The following NEDD9 variants were observed in gnomAD, a reference collection of about 807,000 sequenced individuals.
The protein encoded by NEDD9 is neural precursor cell expressed, developmentally down-regulated 9, also known as enhancer of filamentation 1.
NEDD9 carries 26 observed loss-of-function variants against 76.6 expected under a neutral mutation model. The observed-to-expected ratio is 0.34, with a 90% CI of 0.25 to 0.47. The LOEUF is 0.47. Among genes scored for constraint, NEDD9 ranks in the 20% least tolerant of loss-of-function variants. NEDD9 has a pLI of 1.00. For missense variants in NEDD9, 937 were observed against 1,058.5 expected, an observed-to-expected ratio of 0.89 and a Z score of 1.59; for synonymous variants, 392 against 414.2, an observed-to-expected ratio of 0.95 and a Z score of 0.65.
chr6:11,365,836 C>T (rs779054398), intron 1 of NEDD9, among the ~76,000 whole-genome samples: 36 of 151,504 alleles, frequency 2.4e-4, no homozygotes, highest in Middle Eastern at 3.4e-3. Context: ...ACTAAAAATA[C>T]AAAAATTAGG....
At chr6:11,373,006 A>G (rs1298986853) in intron 1 of NEDD9, among the ~76,000 whole-genome samples, 1 of 152,198 alleles carries the variant, frequency 6.6e-6, no homozygotes, top group East Asian at 1.9e-4. Flanking sequence ...CCAAAACACA[A>G]TGAAGGAAGA....
chr6:11,276,789 A>G (rs1170716958), intron 3 of NEDD9, among the ~76,000 whole-genome samples: 1 of 152,160 alleles, frequency 6.6e-6, no homozygotes, highest in Non-Finnish European at 1.5e-5. Context: ...TCCAAGGGAA[A>G]ACAGAGCCAA....
chr6:11,213,427 T>C lies in NEDD9; in HGVS notation c.313A>G (p.Ile105Val). 6.2e-7 allele frequency: 1 copy of C among 1,614,052 alleles called. No homozygotes were observed. Among genetic ancestry groups the C allele is most frequent in the African/African-American group, 1.3e-5 (1 of 75,016 alleles). ...PNPQAAPRDT[I>V]YQVPPSYQNQ... ...TGGTAGGAAGGTGGCACTTGGTAGA[T>C]GGTGTCTCGGGGAGCAGCCTGTGGG... Residue 105 changes from isoleucine (I) to valine (V), a missense_variant, in exon 2 of 7, where the codon ATC becomes GTC. Ile to Val is a conservative substitution (Grantham distance 29). Coordinates refer to ENST00000379446, the MANE Select transcript of NEDD9 (RefSeq NM_006403.4). This position sits in a 1 kb window ranked among gnomAD's most constrained non-coding sequence, Gnocchi z 5.4.
intron 1 of NEDD9, among the ~76,000 whole-genome samples, chr6:11,218,797 C>T (rs4713266): frequency 0.44 from 66,161 of 151,966 alleles, 16,273 homozygotes; most frequent in East Asian, 0.8. Context: ...TCAAGCCTCA[C>T]AGCCAGAGAC....
At chr6:11,201,094 T>C (rs751565477) in intron 2 of NEDD9, 1 of 1,611,174 alleles carries the variant, frequency 6.2e-7, no homozygotes, top group Admixed American at 1.7e-5. Context: ...TCACATTGTG[T>C]CACTTGTTCA....
In NEDD9 at chr6:11,185,612, C is replaced by A. The variant is rs376701334; in HGVS notation, c.2055G>T (p.Ser685=). 1 of 1,614,206 alleles carries A rather than the reference C, an allele frequency of 6.2e-7. No individual in the cohort carries two copies. Among genetic ancestry groups the A allele is most frequent in the Non-Finnish European group, 8.5e-7 (1 of 1,180,042 alleles). Residue 685 remains serine (S), a synonymous_variant, in exon 7 of 7, where the codon TCG becomes TCT. Transcript: ENST00000379446. ...EITKPVENDI[S]KWKPSQSLPT... is the part of the protein sequence containing the mutation. Reference sequence around the variant, plus strand: ...GTAGGCTCTGAGAGGGCTTCCACTTCGAGATGTCATTCTCCACGGGCTTTG... The same window carrying A: ...GTAGGCTCTGAGAGGGCTTCCACTTAGAGATGTCATTCTCCACGGGCTTTG...
chr6:11,345,251 A>G (rs2113527072), intron 1 of NEDD9, among the ~76,000 whole-genome samples: 1 of 152,314 alleles, frequency 6.6e-6, no homozygotes, highest in East Asian at 1.9e-4. Flanking sequence ...AGGGAATGAG[A>G]GATGAAGATG....
intron 1 of NEDD9, among the ~76,000 whole-genome samples, chr6:11,344,247 C>T (rs1262657879): frequency 1.3e-5 from 2 of 152,204 alleles, no homozygotes; most frequent in Non-Finnish European, 2.9e-5. Context: ...CGCAATTCCA[C>T]AGTTAGAAAT....
Position 11,247,398 on chromosome 6 carries a change from C to T in NEDD9, c.13-33671G>A, listed in dbSNP as rs534573246. Among the ~76,000 whole-genome samples the T allele has an allele frequency of 6.6e-5, 10 of 152,264 alleles. No homozygotes were observed. The South Asian group carries it at 2.1e-3, about 32-fold the overall frequency. The stretch of plus-strand genomic sequence containing the variant: ...CATAACACTTGACCTTAGAAGTAGG[C>T]GATCCACTATTTGACCCAAGCGATA... On this transcript the variant is annotated intron_variant, in intron 3 of 3. Coordinates refer to the NEDD9 transcript ENST00000397378.
At position 11,185,129 on chromosome 6, in the gene NEDD9, G is replaced by A. The variant is rs751664786; in HGVS notation, c.*33C>T. ...GTATTTCCAGTTTTCCTTAGTAACC[G>A]TTAACGCAGTCCCCTTCCTCTTTTT... On this transcript the variant is annotated 3_prime_UTR_variant, in exon 7 of 7. Transcript: ENST00000379446. The A allele has an allele frequency of 2.0e-5, 32 of 1,585,700 alleles. No homozygotes were observed. The highest frequency in any genetic ancestry group is 2.7e-5 in the African/African-American group (2 of 73,790).
rs1394630821 is a variant in NEDD9, at chr6:11,241,288, T to A, written c.13-27561A>T. 3.9e-5 allele frequency among the ~76,000 whole-genome samples: 6 copies of A among 152,216 alleles called. No homozygotes were observed. Among genetic ancestry groups the A allele is most frequent in the Non-Finnish European group, 7.4e-5 (5 of 68,022 alleles). ...CTAACCTTTGTGCTTCCTCTATATG[T>A]TCTTACATTTGAAAAGTCTTCCTGA... On this transcript the variant is annotated intron_variant, in intron 3 of 3. Coordinates refer to the NEDD9 transcript ENST00000397378. This position sits in a 1 kb window ranked among gnomAD's most constrained non-coding sequence, Gnocchi z 4.0.
chr6:11,308,840 G>C (rs1335550888), intron 2 of NEDD9, among the ~76,000 whole-genome samples: 1 of 152,180 alleles, frequency 6.6e-6, no homozygotes, highest in Non-Finnish European at 1.5e-5. Flanking sequence ...ATCAGGCATT[G>C]ATCCTTTGTT....
At chr6:11,236,976 C>G (rs1759615907), upstream of NEDD9, among the ~76,000 whole-genome samples, 1 of 152,276 alleles carries the variant, frequency 6.6e-6, no homozygotes, top group African/African-American at 2.4e-5. The surrounding 1 kb of genome is among the most constrained non-coding windows in gnomAD (Gnocchi z 5.5). Flanking sequence ...CTTACTGATT[C>G]CAAGACGGAC....
intron 1 of NEDD9, chr6:11,214,103 A>C (rs1758872420): frequency 2.1e-6 from 1 of 465,846 alleles, no homozygotes; most frequent in East Asian, 5.6e-5. Context: ...CGAGATATTC[A>C]GATGTTCGAC....
chr6:11,230,281 GCTCTTT>G (rs1759430245), intron 1 of NEDD9, among the ~76,000 whole-genome samples: 1 of 152,210 alleles, frequency 6.6e-6, no homozygotes, highest in Admixed American at 6.5e-5. Flanking sequence ...GTCAACGATA[GCTCTTT>G]CTCTTTCTCT....
chr6:11,325,971 C>A (rs1761917911), intron 2 of NEDD9, among the ~76,000 whole-genome samples: 1 of 152,070 alleles, frequency 6.6e-6, no homozygotes, highest in Admixed American at 6.5e-5. Flanking sequence ...CATGGCGAAA[C>A]CCCGTCTCTA....
At chr6:11,200,813 C>T (rs1434153985) in intron 2 of NEDD9, 23 of 1,462,304 alleles carry the variant, frequency 1.6e-5, no homozygotes, top group African/African-American at 4.3e-5. Flanking sequence ...GGCATTATTA[C>T]GGTTATCACC....
intron 3 of NEDD9, among the ~76,000 whole-genome samples, chr6:11,294,006 A>AGTGTGTGT (rs57803150): frequency 0.073 from 11,008 of 151,004 alleles, 527 homozygotes; most frequent in Admixed American, 0.16. Context: ...CCATTGTGTA[A>AGTGTGTGT]GTGTGTGTGT....
At chr6:11,242,828 G>T (rs1037649707) in intron 3 of NEDD9, among the ~76,000 whole-genome samples, 8 of 152,124 alleles carry the variant, frequency 5.3e-5, no homozygotes, top group African/African-American at 1.4e-4. Context: ...GAATATTTCA[G>T]ATTTTAGAAA....
Sources: allele counts gnomAD v4.1 joint callset (sites outside exome capture counted in the v4.1 genomes callset), GRCh38; gene constraint gnomAD v4.1.1; non-coding constraint Gnocchi (gnomAD v3.1); transcripts MANE v1.5; gene names NCBI Gene and HGNC (gene_info 2026-07-23, HGNC 2026-07-21).